Variants in ERP44 observed in about 807,000 individuals in gnomAD.
The protein encoded by ERP44 is endoplasmic reticulum resident protein 44.
In ERP44, 25 loss-of-function variants were observed where a neutral mutation model predicts 53.4. The ratio of observed to expected loss-of-function variants is 0.47; its 90% CI spans 0.34 to 0.65. The LOEUF (loss-of-function observed/expected upper bound fraction) is 0.65. Among genes scored for constraint, ERP44 ranks in the 30% least tolerant of loss-of-function variants. The pLI is 0.01. For missense variants in ERP44, 338 were observed against 493.2 expected, an observed-to-expected ratio of 0.69 and a Z score of 2.98; for synonymous variants, 145 against 161.2, an observed-to-expected ratio of 0.90 and a Z score of 0.76.
chr9:99,991,943 TAC>T (rs760064944), intron 10 of ERP44, among the ~76,000 whole-genome samples: 1 of 152,162 alleles, frequency 6.6e-6, no homozygotes, highest in Non-Finnish European at 1.5e-5. Flanking sequence ...CCTGGATGCA[TAC>T]ACCCTCCCAA....
intron 2 of ERP44, among the ~76,000 whole-genome samples, 154 bp downstream of exon 2, chr9:100,059,946 G>A (rs1319548296): frequency 6.6e-6 from 1 of 151,816 alleles, no homozygotes; most frequent in Non-Finnish European, 1.5e-5. Flanking sequence ...AACCAAAAGT[G>A]CTTTGATAAT....
chr9:100,018,258 C>T lies in ERP44; in HGVS notation c.643G>A (p.Gly215Arg). The T allele has an allele frequency of 6.3e-7, 1 of 1,591,610 alleles. No individual in the cohort carries two copies. Among genetic ancestry groups the T allele is most frequent in the Non-Finnish European group, 8.6e-7 (1 of 1,159,766 alleles). Reference sequence around the variant, plus strand: ...AACATTAAGAAATAGCAACTTACCCCTGGTGGTTTGTAGATTATGTTGTCG... The same window carrying T: ...AACATTAAGAAATAGCAACTTACCCTTGGTGGTTTGTAGATTATGTTGTCG... ...SGDNIIYKPP[G>R]HSAPDMVYLG... Residue 215 changes from glycine to arginine, a missense_variant and splice_region_variant, in exon 7 of 12, where the codon GGG becomes AGG. This residue lies in a region of ERP44 where 224 missense variants were observed against 301.4 expected (regional missense o/e 0.74). Coordinates refer to ENST00000262455, the MANE Select transcript of ERP44 (RefSeq NM_015051.3).
chr9:100,000,878 C>A (rs1256678773), intron 10 of ERP44, among the ~76,000 whole-genome samples: 1 of 150,934 alleles, frequency 6.6e-6, no homozygotes, highest in East Asian at 1.9e-4. Context: ...TTATTATTTT[C>A]TTCCTTCTAC....
Position 100,057,858 on chromosome 9 carries a change from G to A in ERP44, c.132C>T (p.Asn44=), listed in dbSNP as rs755370185. 2.6e-5 allele frequency: 42 copies of A among 1,592,868 alleles called. No individual in the cohort carries two copies. The highest frequency in any genetic ancestry group is 3.4e-5 in the Non-Finnish European group (40 of 1,165,424). The part of the protein sequence containing the change: ...LDTENIDEIL[N]NADVALVNFY... ...AATTTACTAAAGCAACATCAGCATT[G>A]TCTGAAATTGAAAGACAAAACCAAA... Residue 44 remains asparagine, a splice_region_variant and synonymous_variant, in exon 3 of 12, where the codon AAC becomes AAT. Transcript: ENST00000262455.
At position 99,998,980 on chromosome 9, in the gene ERP44, T is replaced by A. The variant is rs1587957840; in HGVS notation, c.1016+7526A>T. On this transcript the variant is annotated intron_variant, in intron 10 of 11. Transcript: ENST00000262455. ...AAGTTTTTATATTCTGGATCTCAGGTCGGCGGCAAAGAACTGGAAGTAGTC... is the reference window on the plus strand; with the variant it reads ...AAGTTTTTATATTCTGGATCTCAGGACGGCGGCAAAGAACTGGAAGTAGTC... The A allele has an allele frequency of 1.0e-5, 14 of 1,403,002 alleles. No homozygotes were observed. The Admixed American group carries it at 2.0e-4, about 20-fold the overall frequency. The allele number at this position is 1,403,002 out of a possible 1,614,324, so 86.9% of individuals were successfully genotyped here. A position where few individuals can be genotyped will look rare whatever the true frequency, so the allele number is the denominator to read the frequency against.
intron 4 of ERP44, among the ~76,000 whole-genome samples, chr9:100,038,769 T>C (rs531782498): frequency 2.6e-5 from 4 of 151,930 alleles, no homozygotes; most frequent in Admixed American, 2.6e-4. Flanking sequence ...ACTCTACCTC[T>C]AAAGACATAC....
intron 8 of ERP44, among the ~76,000 whole-genome samples, chr9:100,010,107 A>G (rs1441405181): frequency 1.3e-5 from 2 of 152,224 alleles, no homozygotes; most frequent in African/African-American, 4.8e-5. Context: ...ATCTTATTTC[A>G]TTTCTCTTTT....
intron 8 of ERP44, among the ~76,000 whole-genome samples, chr9:100,014,369 C>A (rs762788921): frequency 2.0e-5 from 3 of 152,196 alleles, no homozygotes; most frequent in Non-Finnish European, 4.4e-5. Context: ...ACTGCAACCT[C>A]TGCCTCCTGG....
intron 5 of ERP44, 76 bp downstream of exon 5, chr9:100,021,966 G>T (rs1039294295): frequency 5.3e-6 from 7 of 1,331,658 alleles, no homozygotes; most frequent in Non-Finnish European, 7.4e-6. Flanking sequence ...AGAATGTCCA[G>T]ATTTTTTGTT....
Position 100,057,809 on chromosome 9 carries a change from A to T in ERP44, c.170+11T>A, listed in dbSNP as rs1249538146. The T allele has an allele frequency of 6.2e-7, 1 of 1,601,672 alleles. No homozygotes were observed. The highest frequency in any genetic ancestry group is 1.3e-5 in the African/African-American group (1 of 74,518). On this transcript the variant is annotated intron_variant, in intron 3 of 11. Transcript: ENST00000262455. ...AAAACAAAACCAAACCCAAACAATAAGATTACTTACCAGTCAGCATAAAAA... is the reference window on the plus strand; with the variant it reads ...AAAACAAAACCAAACCCAAACAATATGATTACTTACCAGTCAGCATAAAAA...
chr9:100,098,749 G>C, intron 1 of ERP44, 35 bp downstream of exon 1: 1 of 1,587,078 alleles, frequency 6.3e-7, no homozygotes. Context: ...GGCCGTTCGT[G>C]CGTTTGTCGA....
chr9:100,046,913 G>A (rs1825977597), intron 4 of ERP44, among the ~76,000 whole-genome samples: 1 of 152,126 alleles, frequency 6.6e-6, no homozygotes, highest in South Asian at 2.1e-4. Flanking sequence ...ACTGGTATAA[G>A]CACAAACAGA....
Position 100,068,671 on chromosome 9 carries a change from A to G in ERP44, c.58-8499T>C, listed in dbSNP as rs1263663258. Among the ~76,000 whole-genome samples, 5 of 129,118 alleles carry G rather than the reference A, an allele frequency of 3.9e-5. No homozygotes were observed. In the East Asian group the frequency reaches 7.5e-4, roughly 19 times the overall value. The allele number at this position is 129,118 out of a possible 152,430, so 84.7% of individuals were successfully genotyped here. ...GCCCCGTCCGGGAGGGAGGTGGGGG[A>G]GTCAACCCCCCACCCGGCCAGCCGC... On this transcript the variant is annotated intron_variant, in intron 1 of 11. Transcript: ENST00000262455.
intron 1 of ERP44, among the ~76,000 whole-genome samples, chr9:100,072,377 AG>A (rs1209507692): frequency 2.0e-5 from 3 of 152,160 alleles, no homozygotes; most frequent in African/African-American, 7.2e-5. Flanking sequence ...AGAAGAAGTA[AG>A]CATTGGCACA....
intron 10 of ERP44, among the ~76,000 whole-genome samples, chr9:99,997,704 C>G (rs551599569): frequency 6.6e-6 from 1 of 152,198 alleles, no homozygotes; most frequent in African/African-American, 2.4e-5. Context: ...CATTTTCATC[C>G]GGTCAGTGGC....
intron 1 of ERP44, among the ~76,000 whole-genome samples, chr9:100,071,032 T>A (rs1826296178): frequency 6.6e-6 from 1 of 152,074 alleles, no homozygotes; most frequent in Non-Finnish European, 1.5e-5. Flanking sequence ...TTCACTTGAC[T>A]TTTACACAAT....
Position 99,985,044 on chromosome 9 carries a change from C to T in ERP44, c.1042G>A (p.Val348Ile), listed in dbSNP as rs758487484. 2.0e-5 allele frequency: 33 copies of T among 1,612,470 alleles called. No homozygotes were observed. The highest frequency in any genetic ancestry group is 8.3e-5 in the Admixed American group (5 of 59,996). The change falls in exon 11 of 12, where the codon GTA (valine) becomes ATA (isoleucine). Residue 348 changes from valine (V) to isoleucine (I), a missense_variant. Transcript: ENST00000262455. ...AGTTTTCCAGAATGTAAGTCAAATA[C>T]GAATTGCTTGAGTTTTCCAGGAATT... ...VLIPGKLKQF[V>I]FDLHSGKLHR... is the part of the protein sequence containing the mutation.
At chr9:100,062,669 T>C (rs1233125980) in intron 1 of ERP44, among the ~76,000 whole-genome samples, 4 of 152,192 alleles carry the variant, frequency 2.6e-5, no homozygotes, top group Non-Finnish European at 5.9e-5. Flanking sequence ...TTTCTTTGTG[T>C]TGGGAACACT....
intron 11 of ERP44, among the ~76,000 whole-genome samples, chr9:99,984,260 T>C (rs1830176079): frequency 6.6e-6 from 1 of 151,892 alleles, no homozygotes; most frequent in Non-Finnish European, 1.5e-5. Flanking sequence ...AAATAGAGGG[T>C]TTTGGTACAT....
Sources: allele counts gnomAD v4.1 joint callset (sites outside exome capture counted in the v4.1 genomes callset), GRCh38; gene constraint gnomAD v4.1.1; regional missense constraint gnomAD v4.1.1; transcripts MANE v1.5; gene names NCBI Gene and HGNC (gene_info 2026-07-23, HGNC 2026-07-21).